Variants in DGKI observed in about 807,000 individuals in gnomAD.
The protein encoded by DGKI is diacylglycerol kinase iota.
DGKI carries 55 observed loss-of-function variants against 147.5 expected under a neutral mutation model. The observed-to-expected ratio is 0.37, with a 90% CI of 0.30 to 0.47. The LOEUF (loss-of-function observed/expected upper bound fraction) is 0.47. Ranked by LOEUF, DGKI falls within the 20% of genes least tolerant of loss-of-function variation. DGKI has a pLI of 1.00. For synonymous variants in DGKI, 469 were observed against 477.1 expected (o/e 0.98, Z 0.22); for missense variants, 1,007 against 1,323.8 (o/e 0.76, Z 3.71).
At chr7:137,632,318 C>T (rs1443319217) in intron 6 of DGKI, among the ~76,000 whole-genome samples, 1 of 152,170 alleles carries the variant, frequency 6.6e-6, no homozygotes, top group Non-Finnish European at 1.5e-5. Context: ...TTTTCAAAGA[C>T]AGAATCCATT....
At chr7:137,774,778 T>C (rs1304224355) in intron 1 of DGKI, 1 of 152,252 alleles carries the variant, frequency 6.6e-6, no homozygotes, top group Admixed American at 6.5e-5. Flanking sequence ...TTTCCTCCTG[T>C]GAGCAACCCT....
intron 1 of DGKI, among the ~76,000 whole-genome samples, chr7:137,706,758 G>C (rs1038427781): frequency 6.6e-6 from 1 of 151,794 alleles, no homozygotes; most frequent in African/African-American, 2.4e-5. Context: ...ATTTTTAGTA[G>C]AGACGGGGTT....
chr7:137,722,062 A>G (rs74855845), intron 1 of DGKI: 2 of 1,596,888 alleles, frequency 1.3e-6, no homozygotes, highest in South Asian at 2.2e-5. Flanking sequence ...TGCTGGTGGC[A>G]AGGTGAAAAA....
At chr7:137,513,823 C>T (rs1393037118) in intron 21 of DGKI, 21 of 685,302 alleles carry the variant, frequency 3.1e-5, no homozygotes, top group Non-Finnish European at 4.6e-5. Flanking sequence ...ATCTTGCTCT[C>T]GGCCTTAGCG....
intron 22 of DGKI, among the ~76,000 whole-genome samples, chr7:137,485,937 T>C (rs984608122): frequency 2.0e-5 from 3 of 152,110 alleles, no homozygotes; most frequent in African/African-American, 7.2e-5. Context: ...CTCCACATTA[T>C]CACAAAGTGC....
chr7:137,552,245 C>T, intron 20 of DGKI, 124 bp downstream of exon 20: 1 of 914,446 alleles, frequency 1.1e-6, no homozygotes. Flanking sequence ...AACCAAGGAA[C>T]TACTGAGTCT....
chr7:137,684,585 GGT>G, intron 2 of DGKI, among the ~76,000 whole-genome samples: 1 of 152,192 alleles, frequency 6.6e-6, no homozygotes, highest in East Asian at 1.9e-4. Flanking sequence ...CGGCAGCCAG[GGT>G]GATTTGATTT....
chr7:137,772,612 G>A (rs1796239665), intron 1 of DGKI, among the ~76,000 whole-genome samples: 1 of 152,044 alleles, frequency 6.6e-6, no homozygotes, highest in Non-Finnish European at 1.5e-5. Flanking sequence ...ATGAGAATTT[G>A]TTTTTAAGGT....
At chr7:137,733,138 C>T (rs1174462661) in intron 1 of DGKI, among the ~76,000 whole-genome samples, 1 of 151,852 alleles carries the variant, frequency 6.6e-6, no homozygotes, top group Non-Finnish European at 1.5e-5. Context: ...TGTTCTGTGG[C>T]ATTAACTACA....
At chr7:137,588,919 G>T (rs993032225) in intron 12 of DGKI, among the ~76,000 whole-genome samples, 5 of 152,184 alleles carry the variant, frequency 3.3e-5, no homozygotes, top group Admixed American at 1.3e-4. Context: ...GAATTGGAAA[G>T]GTAAGTGACC....
intron 12 of DGKI, among the ~76,000 whole-genome samples, chr7:137,591,152 C>G: frequency 6.6e-6 from 1 of 152,208 alleles, no homozygotes; most frequent in South Asian, 2.1e-4. Context: ...TCTCCTTTTA[C>G]CCTTGGTCTA....
At chr7:137,623,208 A>G (rs915125185) in intron 7 of DGKI, among the ~76,000 whole-genome samples, 2 of 152,212 alleles carry the variant, frequency 1.3e-5, no homozygotes, top group African/African-American at 4.8e-5. Context: ...CTCTAGACCC[A>G]GTGTTAGAAT....
At chr7:137,442,940 C>A (rs960670129) in intron 28 of DGKI, among the ~76,000 whole-genome samples, 1 of 152,034 alleles carries the variant, frequency 6.6e-6, no homozygotes, top group African/African-American at 2.4e-5. Flanking sequence ...ATCAGCAAGC[C>A]CTTACAGAGG....
chr7:137,608,148 C>T (rs1349333342), intron 10 of DGKI, among the ~76,000 whole-genome samples: 1 of 152,126 alleles, frequency 6.6e-6, no homozygotes, highest in Non-Finnish European at 1.5e-5. Context: ...TTCAAATCTC[C>T]AGTTGTTTAT....
At chr7:137,558,824 T>C (rs1331959850) in intron 19 of DGKI, among the ~76,000 whole-genome samples, 8 of 113,044 alleles carry the variant, frequency 7.1e-5, no homozygotes, top group East Asian at 5.4e-4. Flanking sequence ...GCTGGGATTA[T>C]AGGTGTGAGC....
At chr7:137,612,769 C>A (rs1342589398) in intron 8 of DGKI, among the ~76,000 whole-genome samples, 1 of 152,018 alleles carries the variant, frequency 6.6e-6, no homozygotes, top group African/African-American at 2.4e-5. Context: ...TGTTCCAAAA[C>A]AAATCATCTC....
At chr7:137,838,411 T>G (rs1008372615) in intron 1 of DGKI, among the ~76,000 whole-genome samples, 1 of 152,184 alleles carries the variant, frequency 6.6e-6, no homozygotes, top group African/African-American at 2.4e-5. Context: ...GAAGTTTGTC[T>G]CTAAATGATA....
intron 2 of DGKI, among the ~76,000 whole-genome samples, chr7:137,684,041 T>A (rs1489889375): frequency 6.6e-6 from 1 of 152,202 alleles, no homozygotes; most frequent in Non-Finnish European, 1.5e-5. Context: ...CGCTTGCTTA[T>A]AAAAATGTTT....
At chr7:137,821,090 TG>T (rs1331693177) in intron 1 of DGKI, among the ~76,000 whole-genome samples, 2 of 152,162 alleles carry the variant, frequency 1.3e-5, no homozygotes, top group Non-Finnish European at 2.9e-5. Flanking sequence ...AAATGAAATC[TG>T]GGTGTTTGAG....
Sources: gnomAD v4.1 joint callset for allele counts (sites outside exome capture counted in the v4.1 genomes callset) on GRCh38, gnomAD v4.1.1 for gene constraint, MANE v1.5 for transcripts, NCBI Gene and HGNC (gene_info 2026-07-23, HGNC 2026-07-21) for gene names.